CAPN7: variants seen among roughly 807,000 people sequenced by gnomAD.
The protein encoded by CAPN7 is calpain 7, also known as calpain-7.
CAPN7 carries 72 observed loss-of-function variants against 115.2 expected under a neutral mutation model. The observed-to-expected ratio is 0.63, with a 90% CI of 0.52 to 0.76. The LOEUF (loss-of-function observed/expected upper bound fraction) is 0.76. Among genes scored for constraint, CAPN7 ranks in the 30% least tolerant of loss-of-function variants. The pLI is 0.00. For synonymous variants in CAPN7, 344 were observed against 322.3 expected, an observed-to-expected ratio of 1.07 and a Z score of -0.72; for missense variants, 905 against 971.5, an observed-to-expected ratio of 0.93 and a Z score of 0.91.
At chr3:15,234,386 TGTC>T (rs1694869203) in intron 11 of CAPN7, among the ~76,000 whole-genome samples, 2 of 152,108 alleles carry the variant, frequency 1.3e-5, no homozygotes, top group Admixed American at 6.6e-5. Context: ...TTGCAGAAGT[TGTC>T]GTTTTTAGTT....
chr3:15,226,120 GGC>G (rs1694300314), intron 6 of CAPN7, among the ~76,000 whole-genome samples: 1 of 152,006 alleles, frequency 6.6e-6, no homozygotes, highest in Non-Finnish European at 1.5e-5. Flanking sequence ...CTGTCACTCA[GGC>G]TAGAGTGCAG....
chr3:15,247,602 CT>C (rs1232628168), intron 19 of CAPN7, 145 bp downstream of exon 19: 15 of 539,330 alleles, frequency 2.8e-5, no homozygotes, highest in Non-Finnish European at 4.6e-5. Flanking sequence ...AAAGGACAAT[CT>C]TTTCAATAAA....
chr3:15,240,852 AG>A lies in CAPN7; in HGVS notation c.1652+1del, dbSNP rs755178214. 1.3e-6 allele frequency: 2 copies of A among 1,589,430 alleles called. No individual in the cohort carries two copies. Among genetic ancestry groups the A allele is most frequent in the East Asian group, 4.5e-5 (2 of 44,692 alleles). On this transcript the variant is annotated frameshift_variant and splice_region_variant, in exon 14 of 21. Coordinates refer to ENST00000253693, the MANE Select transcript of CAPN7 (RefSeq NM_014296.3). LOFTEE classifies it high-confidence loss of function. ...TTTTAAAGAATCAACATGTATTCAC[AG>A]GTAACTTTTTGCACATTGCAGAGTA... Reference protein sequence around the residue: ...GLFKESTCIHSTWDAKQGPVK... With the variant: ...GLFKESTCIHXTWDAKQGPVK...
Position 15,210,596 on chromosome 3 carries a change from C to CTTTTTTTTTTTTTT in CAPN7, c.103-1504_103-1491dup, listed in dbSNP as rs371169868. 4.5e-3 allele frequency among the ~76,000 whole-genome samples: 472 copies of CTTTTTTTTTTTTTT among 104,360 alleles called. 55 individuals carry two copies. Among genetic ancestry groups the CTTTTTTTTTTTTTT allele is most frequent in the African/African-American group, 0.019 (318 of 16,454 alleles). 68.5% of individuals were successfully genotyped at this position (104,360 alleles called of 152,430 possible). ...TTTTCATTCCTTCCTTGCTTCCTTCCTTTTTTTTTTTTTTTTTGGACAGTA... is the reference window on the plus strand; with the variant it reads ...TTTTCATTCCTTCCTTGCTTCCTTCCTTTTTTTTTTTTTTTTTTTTTTTTTTTTTTTGGACAGTA... On this transcript the variant is annotated intron_variant, in intron 1 of 20. Transcript: ENST00000253693.
chr3:15,251,343 C>A lies in CAPN7; in HGVS notation c.*83C>A, dbSNP rs1385479482. ...GGACGCAAATCTTCAGGACAGTAAGCAGAACAATCAGAATGGAATTAAATC... is the reference window on the plus strand; with the variant it reads ...GGACGCAAATCTTCAGGACAGTAAGAAGAACAATCAGAATGGAATTAAATC... On this transcript the variant is annotated 3_prime_UTR_variant, in exon 21 of 21. Coordinates refer to ENST00000253693, the MANE Select transcript of CAPN7 (RefSeq NM_014296.3). The A allele has an allele frequency of 1.8e-5, 20 of 1,102,398 alleles. No homozygotes were observed. The highest frequency in any genetic ancestry group is 2.5e-5 in the Non-Finnish European group (19 of 765,098). 68.3% of individuals were successfully genotyped at this position (1,102,398 alleles called of 1,614,324 possible). A position where few individuals can be genotyped will look rare whatever the true frequency, so the allele number is the denominator to read the frequency against.
chr3:15,238,494 A>G (rs532193091), intron 12 of CAPN7, among the ~76,000 whole-genome samples: 2 of 151,670 alleles, frequency 1.3e-5, no homozygotes, highest in Non-Finnish European at 2.9e-5. Flanking sequence ...AGAAAGACCT[A>G]ATCTTAGACT....
chr3:15,224,559 C>T (rs1393822020), intron 6 of CAPN7, among the ~76,000 whole-genome samples: 1 of 151,712 alleles, frequency 6.6e-6, no homozygotes, highest in African/African-American at 2.4e-5. Context: ...AGATGTGAGC[C>T]ACTGTGCCTG....
intron 8 of CAPN7, among the ~76,000 whole-genome samples, chr3:15,229,561 CT>C (rs566957976): frequency 7.3e-4 from 64 of 87,862 alleles, no homozygotes; most frequent in Middle Eastern, 7.8e-3. Context: ...TACTTTTTTT[CT>C]TTTTTTTTTT....
chr3:15,210,886 C>T, intron 1 of CAPN7: 1 of 1,288,150 alleles, frequency 7.8e-7, no homozygotes. Flanking sequence ...GGCATGATGA[C>T]CCATGAAGTG....
intron 4 of CAPN7, among the ~76,000 whole-genome samples, chr3:15,220,321 C>A (rs1401044439): frequency 1.3e-5 from 2 of 152,196 alleles, no homozygotes; most frequent in African/African-American, 2.4e-5. Context: ...CCCAGGTGAA[C>A]AACTCTGCAG....
At chr3:15,232,989 C>T (rs933435476) in intron 10 of CAPN7, among the ~76,000 whole-genome samples, 1 of 152,088 alleles carries the variant, frequency 6.6e-6, no homozygotes, top group African/African-American at 2.4e-5. Flanking sequence ...CAAGGAGTTA[C>T]TTGTTTTATC....
At chr3:15,230,058 A>G (rs1694593602) in intron 8 of CAPN7, among the ~76,000 whole-genome samples, 1 of 152,210 alleles carries the variant, frequency 6.6e-6, no homozygotes, top group Non-Finnish European at 1.5e-5. Context: ...ATGCAACTAT[A>G]TGTCAAAGTT....
intron 7 of CAPN7, among the ~76,000 whole-genome samples, chr3:15,228,461 A>G (rs1052734213): frequency 6.6e-6 from 1 of 152,254 alleles, no homozygotes; most frequent in African/African-American, 2.4e-5. Context: ...CATGGAATCA[A>G]CCTAAATGCC....
intron 14 of CAPN7, among the ~76,000 whole-genome samples, chr3:15,241,179 C>T (rs1470024404): frequency 1.3e-5 from 2 of 151,816 alleles, no homozygotes; most frequent in Non-Finnish European, 2.9e-5. Flanking sequence ...CACTCCAGCC[C>T]GGACAACAGA....
intron 1 of CAPN7, among the ~76,000 whole-genome samples, chr3:15,211,500 CTT>C (rs1247084990): frequency 2.0e-5 from 3 of 151,932 alleles, no homozygotes; most frequent in Non-Finnish European, 4.4e-5. Flanking sequence ...CATCATCAGA[CTT>C]TTAATGTGAG....
chr3:15,221,400 C>G (rs1332047829), intron 5 of CAPN7, among the ~76,000 whole-genome samples: 2 of 144,564 alleles, frequency 1.4e-5, no homozygotes, highest in Admixed American at 1.5e-4. Flanking sequence ...ATAATGTTGG[C>G]CAGGCTGGTC....
intron 10 of CAPN7, among the ~76,000 whole-genome samples, chr3:15,233,282 A>G (rs1324262022): frequency 6.6e-6 from 1 of 152,230 alleles, no homozygotes; most frequent in Non-Finnish European, 1.5e-5. Flanking sequence ...CAAATCACCC[A>G]TCATTCATAA....
At position 15,220,932 on chromosome 3, in the gene CAPN7, T is replaced by C. The variant is rs1476458272; in HGVS notation, c.589T>C (p.Cys197Arg). ...TCAGTCATTTATAAGTCCTCAGTCA[T>C]GTGATGCACAAGGACAGAGATACAC... ...RPQSFISPQSCDAQGQRYTAE... is the reference protein window; with the variant it reads ...RPQSFISPQSRDAQGQRYTAE... The change falls in exon 5 of 21, where the codon TGT becomes CGT. Residue 197 changes from cysteine to arginine, a missense_variant. Physicochemically the swap from Cys to Arg is radical, Grantham distance 180. Transcript: ENST00000253693. 15 of 1,614,042 alleles carry C rather than the reference T, an allele frequency of 9.3e-6. No individual in the cohort carries two copies. Among genetic ancestry groups the C allele is most frequent in the Middle Eastern group, 3.3e-4 (2 of 6,084 alleles).
intron 5 of CAPN7, among the ~76,000 whole-genome samples, chr3:15,221,739 G>T (rs565733750): frequency 6.6e-6 from 1 of 151,960 alleles, no homozygotes; most frequent in South Asian, 2.1e-4. Flanking sequence ...GGAGGCAGAG[G>T]GGGGCAGATC....
Sources: allele counts gnomAD v4.1 joint callset (sites outside exome capture counted in the v4.1 genomes callset), GRCh38; gene constraint gnomAD v4.1.1; transcripts MANE v1.5; gene names NCBI Gene and HGNC (gene_info 2026-07-23, HGNC 2026-07-21).